NETO1: variants seen among roughly 807,000 people sequenced by gnomAD.
NETO1 encodes the protein neuropilin and tolloid-like protein 1.
In NETO1, 26 loss-of-function variants were observed where a neutral mutation model predicts 61.3. The observed-to-expected ratio is 0.42, with a 90% CI of 0.31 to 0.59. The LOEUF (loss-of-function observed/expected upper bound fraction) is 0.59. Among genes scored for constraint, NETO1 ranks in the 20% least tolerant of loss-of-function variants. The probability of loss-of-function intolerance (pLI) is 0.12; values close to 1 mark genes in which losing one functional copy is unlikely to be tolerated. For missense variants in NETO1, 531 were observed against 662.8 expected (o/e 0.80, Z 2.18); for synonymous variants, 225 against 225.8 (o/e 1.00, Z 0.03).
In NETO1 at chr18:72,814,082, G is replaced by T. The variant is rs116503848; in HGVS notation, c.470-19678C>A. ...GCTGAAGTGAAAACTAGAATTATCTGCCAAAAATCTATTTTCACTAAGGGA... is the reference window on the plus strand; with the variant it reads ...GCTGAAGTGAAAACTAGAATTATCTTCCAAAAATCTATTTTCACTAAGGGA... On this transcript the variant is annotated intron_variant, in intron 4 of 10. Coordinates refer to ENST00000327305, the MANE Select transcript of NETO1 (RefSeq NM_138966.5). Among the ~76,000 whole-genome samples the T allele has an allele frequency of 1.9e-3, 289 of 152,060 alleles. 2 individuals are homozygous for T. The highest frequency in any genetic ancestry group is 6.6e-3 in the African/African-American group (272 of 41,492).
At position 72,794,175 on chromosome 18, in the gene NETO1, G is replaced by C; in HGVS notation, c.581C>G (p.Ala194Gly). The change falls in exon 6 of 11, where the codon GCT becomes GGT. Residue 194 changes from alanine to glycine, a missense_variant. Coordinates refer to ENST00000327305, the MANE Select transcript of NETO1 (RefSeq NM_138966.5). ...GCAATCAACAGCCTCGCTAGCAGTA[G>C]CTTTGCCTTCCTTCATAATTTGTAT... ...ESIQIMKEGK[A>G]TASEAVDCKW... 6.2e-7 allele frequency: 1 copy of C among 1,614,184 alleles called. No individual in the cohort carries two copies. Among genetic ancestry groups the C allele is most frequent in the Non-Finnish European group, 8.5e-7 (1 of 1,180,036 alleles).
rs987442048 is a variant in NETO1 at position 72,830,576 on chromosome 18, T to G, written c.469+28250A>C. Among the ~76,000 whole-genome samples the G allele has an allele frequency of 6.6e-6, 1 of 152,130 alleles. No individual in the cohort carries two copies. Among genetic ancestry groups the G allele is most frequent in the African/African-American group, 2.4e-5 (1 of 41,424 alleles). ...GATGTATTACAGAAGACTGCCAGAA[T>G]TTTTTAGGAGCAGCTTTTGGTGTGG... On this transcript the variant is annotated intron_variant, in intron 4 of 10. Coordinates refer to ENST00000327305, the MANE Select transcript of NETO1 (RefSeq NM_138966.5). This position sits in a 1 kb window ranked among gnomAD's most constrained non-coding sequence, Gnocchi z 4.9.
chr18:72,773,396 AC>A (rs2071441014), intron 7 of NETO1, among the ~76,000 whole-genome samples: 1 of 152,138 alleles, frequency 6.6e-6, no homozygotes, highest in African/African-American at 2.4e-5. Flanking sequence ...TAAGTTAATA[AC>A]CAAATGATAT....
At chr18:72,834,678 C>G (rs962885892) in intron 4 of NETO1, 2 of 985,026 alleles carry the variant, frequency 2.0e-6, no homozygotes, top group East Asian at 1.1e-4. Context: ...TCATCTTCAA[C>G]TTTCTCTCGG....
intron 4 of NETO1, among the ~76,000 whole-genome samples, chr18:72,818,736 A>G (rs1237381196): frequency 6.6e-6 from 1 of 152,226 alleles, no homozygotes; most frequent in East Asian, 1.9e-4. Context: ...AAAAATACAT[A>G]TCATAAAATA....
chr18:72,782,106 T>C (rs987946791), intron 7 of NETO1, among the ~76,000 whole-genome samples: 1 of 152,166 alleles, frequency 6.6e-6, no homozygotes, highest in Non-Finnish European at 1.5e-5. Context: ...GGTATTTGAT[T>C]TTCTGTTACT....
intron 7 of NETO1, among the ~76,000 whole-genome samples, chr18:72,762,137 TAA>T (rs1287805412): frequency 6.6e-6 from 1 of 150,454 alleles, no homozygotes; most frequent in African/African-American, 2.4e-5. Context: ...TATTAACATG[TAA>T]AGTTGGGTAA....
chr18:72,832,453 T>G (rs1351707954), intron 4 of NETO1, among the ~76,000 whole-genome samples: 2 of 152,208 alleles, frequency 1.3e-5, no homozygotes, highest in Admixed American at 1.3e-4. Context: ...TACCTACATT[T>G]ATCTCTCAGG....
intron 4 of NETO1, among the ~76,000 whole-genome samples, chr18:72,796,713 C>T (rs895079865): frequency 6.6e-6 from 1 of 152,040 alleles, no homozygotes; most frequent in Admixed American, 6.6e-5. Flanking sequence ...ATCCGTCCTC[C>T]TTGGCCTCCC....
In NETO1 at chr18:72,835,863, A is replaced by G. The variant is rs141323130; in HGVS notation, c.469+22963T>C. Reference sequence around the variant, plus strand: ...ACATATGATTTATGGTTACTTCCTTAGAAATCCCACAGGGTCGTGAGAGGA... The same window carrying G: ...ACATATGATTTATGGTTACTTCCTTGGAAATCCCACAGGGTCGTGAGAGGA... On this transcript the variant is annotated intron_variant, in intron 4 of 10. Transcript: ENST00000327305. Among the ~76,000 whole-genome samples the G allele has an allele frequency of 7.6e-3, 1,155 of 152,362 alleles. 9 individuals are homozygous for G. Among genetic ancestry groups the G allele is most frequent in the Non-Finnish European group, 0.012 (807 of 68,038 alleles).
intron 10 of NETO1, chr18:72,748,394 T>C: frequency 1.6e-6 from 1 of 615,810 alleles, no homozygotes; most frequent in Non-Finnish European, 2.0e-6. Context: ...TTGTGATATC[T>C]GATGACAAAA....
In NETO1 at chr18:72,754,727, T is replaced by A. The variant is rs563575766; in HGVS notation, c.982+1307A>T. ...AAGTAGACAATTCAACCATGATAGC[T>A]GAAAAATTTAACACCCACTTTCAAT... On this transcript the variant is annotated intron_variant, in intron 8 of 10. Coordinates refer to ENST00000327305, the MANE Select transcript of NETO1 (RefSeq NM_138966.5). Among the ~76,000 whole-genome samples, 275 of 152,250 alleles carry A rather than the reference T, an allele frequency of 1.8e-3. 1 individual carries two copies. The highest frequency in any genetic ancestry group is 0.014 in the Middle Eastern group (4 of 294).
chr18:72,758,140 A>G (rs2070846498), intron 7 of NETO1, among the ~76,000 whole-genome samples: 1 of 152,150 alleles, frequency 6.6e-6, no homozygotes, highest in African/African-American at 2.4e-5. Context: ...TGGTAAGAGC[A>G]CTGAAATTTG....
At chr18:72,845,728 A>C (rs955529735) in intron 4 of NETO1, among the ~76,000 whole-genome samples, 3 of 152,230 alleles carry the variant, frequency 2.0e-5, no homozygotes, top group African/African-American at 7.2e-5. Flanking sequence ...CCATTGAGAA[A>C]CTTTTCTAGA....
At chr18:72,765,486 T>A (rs1431391639) in intron 7 of NETO1, among the ~76,000 whole-genome samples, 1 of 152,144 alleles carries the variant, frequency 6.6e-6, no homozygotes, top group Non-Finnish European at 1.5e-5. Flanking sequence ...TGGCATGATC[T>A]CAGCTCACTG....
chr18:72,812,389 G>A (rs549023055), intron 4 of NETO1, among the ~76,000 whole-genome samples: 9 of 152,088 alleles, frequency 5.9e-5, no homozygotes, highest in African/African-American at 1.4e-4. Flanking sequence ...GGACCAACAC[G>A]TCCAAAATTT....
At chr18:72,835,999 A>T (rs2073735565) in intron 4 of NETO1, among the ~76,000 whole-genome samples, 1 of 152,180 alleles carries the variant, frequency 6.6e-6, no homozygotes, top group South Asian at 2.1e-4. Flanking sequence ...CTTGGCCTTG[A>T]CGTAGGAAGA....
chr18:72,841,503 C>A (rs575072337), intron 4 of NETO1, among the ~76,000 whole-genome samples: 1 of 151,882 alleles, frequency 6.6e-6, no homozygotes, highest in Non-Finnish European at 1.5e-5. Flanking sequence ...GAGGCTGAGG[C>A]GGGTGGATCA....
intron 6 of NETO1, among the ~76,000 whole-genome samples, chr18:72,793,642 AC>A (rs956878527): frequency 1.3e-5 from 2 of 152,188 alleles, no homozygotes; most frequent in African/African-American, 2.4e-5. Context: ...TCAAATGGGC[AC>A]AGGATCTCCC....
Sources: gnomAD v4.1 joint callset for allele counts (sites outside exome capture counted in the v4.1 genomes callset) on GRCh38, gnomAD v4.1.1 for gene constraint, Gnocchi (gnomAD v3.1) non-coding constraint, MANE v1.5 for transcripts, NCBI Gene and HGNC (gene_info 2026-07-23, HGNC 2026-07-21) for gene names.